The following CTXN2 variants were observed in gnomAD, a reference collection of about 807,000 sequenced individuals.
CTXN2 encodes cortexin-2.
In CTXN2, 3 loss-of-function variants were observed where a neutral mutation model predicts 5.7. The ratio of observed to expected loss-of-function variants is 0.53; its 90% CI spans 0.24 to 1.36. CTXN2 has a LOEUF of 1.36. Ranked by LOEUF, CTXN2 falls within the 40% of genes most tolerant of loss-of-function variation. The pLI, the probability that CTXN2 is intolerant of heterozygous loss-of-function variation, is 0.17. For synonymous variants in CTXN2, 38 were observed against 36.4 expected, an observed-to-expected ratio of 1.04 and a Z score of -0.16; for missense variants, 87 against 93.0, an observed-to-expected ratio of 0.94 and a Z score of 0.26.
chr15:48,195,359 C>A (rs757649941), intron 1 of CTXN2, among the ~76,000 whole-genome samples: 6 of 152,052 alleles, frequency 3.9e-5, no homozygotes, highest in Admixed American at 6.6e-5. Context: ...TCACCTGAAC[C>A]ATTTCTTTCC....
intron 1 of CTXN2, among the ~76,000 whole-genome samples, chr15:48,195,984 A>G (rs1439217552): frequency 6.6e-6 from 1 of 152,130 alleles, no homozygotes; most frequent in African/African-American, 2.4e-5. Flanking sequence ...ACTAGAGCAT[A>G]CTAGCAACCC....
intron 1 of CTXN2, among the ~76,000 whole-genome samples, chr15:48,182,500 A>G (rs1156249913): frequency 2.0e-5 from 3 of 152,192 alleles, no homozygotes; most frequent in Admixed American, 1.3e-4. Flanking sequence ...GGTGAAAGCT[A>G]TGATTTTTCA....
intron 1 of CTXN2, among the ~76,000 whole-genome samples, chr15:48,181,272 C>A (rs1288195832): frequency 6.6e-6 from 1 of 152,232 alleles, no homozygotes; most frequent in Non-Finnish European, 1.5e-5. Context: ...TTCCTGCTAC[C>A]TTAATCTTTC....
intron 1 of CTXN2, among the ~76,000 whole-genome samples, chr15:48,185,820 A>G (rs1433092832): frequency 1.3e-5 from 2 of 152,204 alleles, no homozygotes; most frequent in Non-Finnish European, 2.9e-5. Context: ...ATATAGGACT[A>G]CTTTCCTCCA....
intron 1 of CTXN2, among the ~76,000 whole-genome samples, chr15:48,194,715 T>C (rs1199674024): frequency 6.6e-6 from 1 of 152,142 alleles, no homozygotes; most frequent in Non-Finnish European, 1.5e-5. Context: ...TTCTTCCATC[T>C]TTAATCTTTT....
At chr15:48,187,458 A>G (rs1446429214), upstream of CTXN2, among the ~76,000 whole-genome samples, 1 of 152,246 alleles carries the variant, frequency 6.6e-6, no homozygotes. Context: ...GCACAGCTAC[A>G]TTAAAATATT....
chr15:48,194,324 G>A (rs2040857050), intron 1 of CTXN2, among the ~76,000 whole-genome samples: 1 of 151,788 alleles, frequency 6.6e-6, no homozygotes, highest in Non-Finnish European at 1.5e-5. Flanking sequence ...TATTGAAAGT[G>A]ATTCATCATA....
At position 48,201,722 on chromosome 15, in the gene CTXN2, C is replaced by A. The variant is rs2040931355; in HGVS notation, c.*176C>A. 4 of 678,924 alleles carry A rather than the reference C, an allele frequency of 5.9e-6. No individual in the cohort carries two copies. In the Admixed American group the frequency reaches 1.2e-4, roughly 20 times the overall value. The allele number at this position is 678,924 out of a possible 1,614,324, so 42.1% of individuals were successfully genotyped here. ...GATAAACTATTGTTGGGATTCCTCA[C>A]TTTCCTCTGTTCCCACTTAGAGGTT... On this transcript the variant is annotated 3_prime_UTR_variant, in exon 2 of 2. Coordinates refer to ENST00000417307, the MANE Select transcript of CTXN2 (RefSeq NM_001145668.2).
At position 48,202,455 on chromosome 15, in the gene CTXN2, T is replaced by A. The variant is rs1326983714; in HGVS notation, c.*909T>A. ...AAATGAATGAGGATTTAAGATATCATGAAAAGTTTTTCAGATTAGGAGCCT... is the reference window on the plus strand; with the variant it reads ...AAATGAATGAGGATTTAAGATATCAAGAAAAGTTTTTCAGATTAGGAGCCT... On this transcript the variant is annotated 3_prime_UTR_variant, in exon 2 of 2. Transcript: ENST00000417307. The A allele has an allele frequency of 6.0e-6, 1 of 167,104 alleles. No individual in the cohort carries two copies. The highest frequency in any genetic ancestry group is 6.5e-5 in the Admixed American group (1 of 15,288). 10.4% of individuals were successfully genotyped at this position (167,104 alleles called of 1,614,324 possible).
chr15:48,197,911 T>C (rs2040894544), intron 1 of CTXN2, among the ~76,000 whole-genome samples: 1 of 152,124 alleles, frequency 6.6e-6, no homozygotes, highest in Non-Finnish European at 1.5e-5. Flanking sequence ...AATACCTTCT[T>C]AGTTAAGGGT....
intron 1 of CTXN2, among the ~76,000 whole-genome samples, chr15:48,199,332 G>T (rs2040908791): frequency 6.6e-6 from 1 of 152,172 alleles, no homozygotes; most frequent in South Asian, 2.1e-4. Context: ...TTGTTGCTGG[G>T]CAATAAGTCC....
intron 1 of CTXN2, among the ~76,000 whole-genome samples, chr15:48,197,308 T>C (rs1389177003): frequency 6.6e-6 from 1 of 152,112 alleles, no homozygotes; most frequent in East Asian, 1.9e-4. Context: ...TAGGGAAGCC[T>C]TTGCTGACCT....
At chr15:48,190,340 A>G (rs1196090431), upstream of CTXN2, among the ~76,000 whole-genome samples, 2 of 152,234 alleles carry the variant, frequency 1.3e-5, no homozygotes, top group African/African-American at 2.4e-5. Flanking sequence ...CAATAAAACC[A>G]TGGCCATGGA....
intron 1 of CTXN2, among the ~76,000 whole-genome samples, chr15:48,194,798 C>G (rs1187186033): frequency 6.6e-6 from 1 of 152,124 alleles, no homozygotes; most frequent in Non-Finnish European, 1.5e-5. Flanking sequence ...ACAAGTCCAT[C>G]TGGCTTCCTA....
chr15:48,201,202 C>T (rs1189857957), intron 1 of CTXN2, 42 bp from the exon 2 acceptor site: 1 of 1,253,604 alleles, frequency 8.0e-7, no homozygotes, highest in Non-Finnish European at 1.1e-6. Flanking sequence ...TACCCAATAC[C>T]ATACAAGGGT....
intron 1 of CTXN2, among the ~76,000 whole-genome samples, chr15:48,183,335 C>G (rs1443803930): frequency 1.3e-5 from 2 of 152,120 alleles, no homozygotes; most frequent in Non-Finnish European, 2.9e-5. Context: ...TGAGAGATCT[C>G]AAACCGAAAA....
chr15:48,189,006 T>C (rs908432882), upstream of CTXN2: 1 of 152,238 alleles, frequency 6.6e-6, no homozygotes, highest in Admixed American at 6.5e-5. Context: ...TTTATCTTTG[T>C]ATCTCAGCAT....
Position 48,201,404 on chromosome 15 carries a change from G to T in CTXN2, c.104G>T (p.Gly35Val). 1 of 1,551,352 alleles carries T rather than the reference G, an allele frequency of 6.4e-7. No homozygotes were observed. The change falls in exon 2 of 2, where the codon GGG (glycine) becomes GTG (valine). Residue 35 changes from glycine (G) to valine (V), a missense_variant. Transcript: ENST00000417307. The part of the protein sequence containing the change: ...LEQKTGFAFV[G>V]ILCIFLGLLI... ...CAAAAAACTGGCTTTGCTTTTGTTG[G>T]GATTTTGTGTATCTTCTTGGGACTT...
upstream of CTXN2, among the ~76,000 whole-genome samples, chr15:48,191,269 G>A (rs2140976729): frequency 6.6e-6 from 1 of 152,300 alleles, no homozygotes; most frequent in South Asian, 2.1e-4. Flanking sequence ...ACAGCAAAAT[G>A]CCCGCAGCAC....
Sources: allele counts gnomAD v4.1 joint callset (sites outside exome capture counted in the v4.1 genomes callset), GRCh38; gene constraint gnomAD v4.1.1; transcripts MANE v1.5; gene names NCBI Gene and HGNC (gene_info 2026-07-23, HGNC 2026-07-21).